DMD: variants seen among roughly 807,000 people sequenced by gnomAD.
DMD encodes mutant dystrophin.
Under a neutral mutation model 330.1 loss-of-function variants are expected in DMD, and 63 were observed. The ratio of observed to expected loss-of-function variants is 0.19; its 90% CI spans 0.16 to 0.24. The LOEUF (loss-of-function observed/expected upper bound fraction) is 0.24. DMD is among the 10% of genes least tolerant of loss of function. The pLI is 1.00. For synonymous variants in DMD, 1,223 were observed against 959.8 expected, an observed-to-expected ratio of 1.27 and a Z score of -5.07; for missense variants, 3,344 against 2,684.1, an observed-to-expected ratio of 1.25 and a Z score of -5.43.
intron 67 of DMD, among the ~76,000 whole-genome samples, chrX:31,187,647 A>C (rs1245585325): frequency 1.6e-4 from 18 of 109,134 alleles, no homozygotes; most frequent in Non-Finnish European, 1.1e-4. Context: ...GAGCACGTTA[A>C]CATATTAAAA....
chrX:31,193,780 T>C (rs1478329912), intron 67 of DMD, among the ~76,000 whole-genome samples: 1 of 111,454 alleles, frequency 9.0e-6, no homozygotes, highest in African/African-American at 3.3e-5. Flanking sequence ...CATCATCTTA[T>C]CGTCTTTTGG....
intron 9 of DMD, among the ~76,000 whole-genome samples, chrX:32,648,503 A>G (rs944470723): frequency 1.8e-5 from 2 of 111,670 alleles, no homozygotes; most frequent in African/African-American, 6.5e-5. Flanking sequence ...TAATACTAAC[A>G]ATTATTGTCT....
chrX:32,842,111 G>T (rs2080211969), intron 4 of DMD, among the ~76,000 whole-genome samples: 2 of 111,985 alleles, frequency 1.8e-5, no homozygotes, highest in Non-Finnish European at 3.8e-5. Context: ...CTTGGAGTAG[G>T]CAGATAGCCA....
chrX:32,590,411 C>A (rs1324699138), intron 13 of DMD, among the ~76,000 whole-genome samples: 1 of 111,223 alleles, frequency 9.0e-6, no homozygotes, highest in African/African-American at 3.3e-5. Context: ...GCCTAGATCA[C>A]TGATGAAGTA....
intron 17 of DMD, among the ~76,000 whole-genome samples, chrX:32,544,603 G>C (rs1188923081): frequency 1.8e-5 from 2 of 111,049 alleles, no homozygotes; most frequent in South Asian, 7.4e-4. Flanking sequence ...GTCACAAAAA[G>C]ATCAGTTAAA....
intron 1 of DMD, among the ~76,000 whole-genome samples, chrX:33,083,160 G>A (rs896239426): frequency 3.6e-5 from 4 of 111,673 alleles, no homozygotes; most frequent in African/African-American, 1.3e-4. Context: ...ACGGAGTGGC[G>A]TCTTACGACC....
At chrX:32,799,736 C>T (rs954348528) in intron 7 of DMD, among the ~76,000 whole-genome samples, 1 of 110,148 alleles carries the variant, frequency 9.1e-6, no homozygotes, top group African/African-American at 3.3e-5. Flanking sequence ...GTCTGATTCA[C>T]AAAAGGATAT....
chrX:31,574,134 GTTTTTTTTTTTGT>G (rs1024449909), intron 55 of DMD, among the ~76,000 whole-genome samples: 1 of 83,175 alleles, frequency 1.2e-5, no homozygotes, highest in Non-Finnish European at 2.4e-5. Context: ...TGATCTGTTT[GTTTTTTTTTTTGT>G]TTTTTTTTTT....
chrX:32,487,061 G>T (rs1005984628), intron 20 of DMD, among the ~76,000 whole-genome samples: 2 of 110,588 alleles, frequency 1.8e-5, no homozygotes, highest in Non-Finnish European at 3.8e-5. Flanking sequence ...GAGTGAACAG[G>T]CAACCTACAA....
intron 59 of DMD, among the ~76,000 whole-genome samples, chrX:31,445,607 G>T (rs772469607): frequency 9.0e-6 from 1 of 111,566 alleles, no homozygotes; most frequent in Non-Finnish European, 1.9e-5. Flanking sequence ...GTTTCATTTA[G>T]GGAGTAGGGT....
At chrX:32,565,296 A>G (rs1459860468) in intron 16 of DMD, among the ~76,000 whole-genome samples, 1 of 111,560 alleles carries the variant, frequency 9.0e-6, no homozygotes, top group Admixed American at 9.5e-5. Flanking sequence ...CCTACCACTA[A>G]CTTCTCTTGA....
At chrX:31,628,435 A>G (rs1173602014) in intron 54 of DMD, among the ~76,000 whole-genome samples, 3 of 111,546 alleles carry the variant, frequency 2.7e-5, no homozygotes, top group African/African-American at 9.8e-5. Flanking sequence ...TGGAGGGCAA[A>G]GGAAGAAAGA....
chrX:32,092,671 G>C, intron 44 of DMD, among the ~76,000 whole-genome samples: 1 of 103,522 alleles, frequency 9.7e-6, no homozygotes. Flanking sequence ...CAGCTATGCA[G>C]TGGAGTATTT....
chrX:32,055,993 T>A (rs183026534), intron 44 of DMD, among the ~76,000 whole-genome samples: 1 of 111,591 alleles, frequency 9.0e-6, no homozygotes, highest in African/African-American at 3.2e-5. Flanking sequence ...AACATGAATG[T>A]CCTTACCTCT....
chrX:32,958,195 A>G (rs921703338), intron 2 of DMD, among the ~76,000 whole-genome samples: 2 of 111,484 alleles, frequency 1.8e-5, no homozygotes, highest in Non-Finnish European at 3.8e-5. Flanking sequence ...AGTGGTAGCT[A>G]TCTGTGTTTA....
At chrX:32,435,504 G>T (rs935531565) in intron 29 of DMD, among the ~76,000 whole-genome samples, 2 of 109,135 alleles carry the variant, frequency 1.8e-5, no homozygotes, top group Non-Finnish European at 3.8e-5. Flanking sequence ...ATGAGGAAAC[G>T]TAAGTTTAAA....
At chrX:32,016,284 T>C (rs372335407) in intron 44 of DMD, among the ~76,000 whole-genome samples, 205 of 111,918 alleles carry the variant, frequency 1.8e-3, no homozygotes, top group African/African-American at 6.1e-3. Context: ...CTTTCCCTCC[T>C]GCTTCCGGGT....
At chrX:32,380,901 T>C (rs951902176) in intron 33 of DMD, among the ~76,000 whole-genome samples, 18 of 111,023 alleles carry the variant, frequency 1.6e-4, no homozygotes, top group African/African-American at 4.9e-4. Flanking sequence ...GGGTCTTGTA[T>C]GTCGTCATGG....
intron 62 of DMD, among the ~76,000 whole-genome samples, chrX:31,297,522 G>C (rs2054281369): frequency 8.9e-6 from 1 of 111,938 alleles, no homozygotes. Context: ...CATTCTATCA[G>C]AATGAAAAGC....
Sources: gnomAD v4.1 joint callset for allele counts (sites outside exome capture counted in the v4.1 genomes callset) on GRCh38, gnomAD v4.1.1 for gene constraint, MANE v1.5 for transcripts, NCBI Gene and HGNC (gene_info 2026-07-23, HGNC 2026-07-21) for gene names.